SLC71A2: variants seen among roughly 807,000 people sequenced by gnomAD.
The protein encoded by SLC71A2 is solute carrier family 71 member 2.
chr9:94,451,028 T>TTA, the SLC71A2 span, among the ~76,000 whole-genome samples: 1 of 152,212 alleles, frequency 6.6e-6, no homozygotes, highest in Non-Finnish European at 1.5e-5. Flanking sequence ...CTTGCTCTCC[T>TTA]TATCCCTTGT....
the SLC71A2 span, chr9:94,438,476 G>A: frequency 8.1e-6 from 13 of 1,613,600 alleles, no homozygotes; most frequent in Admixed American, 5.0e-5. Context: ...CTTTCTCCTC[G>A]GCACTGTATT....
the SLC71A2 span, among the ~76,000 whole-genome samples, chr9:94,445,971 G>A: frequency 6.6e-6 from 1 of 152,210 alleles, no homozygotes; most frequent in African/African-American, 2.4e-5. Flanking sequence ...AGAGAAGGAA[G>A]CCAGTAGTGG....
At chr9:94,426,889 C>T in the SLC71A2 span, among the ~76,000 whole-genome samples, 10 of 152,260 alleles carry the variant, frequency 6.6e-5, no homozygotes, top group East Asian at 1.5e-3. Context: ...GGCTAGAGTG[C>T]AGTGGTGCAA....
chr9:94,404,828 G>GTATCCTTT, the SLC71A2 span, among the ~76,000 whole-genome samples: 2 of 152,058 alleles, frequency 1.3e-5, no homozygotes, highest in Non-Finnish European at 2.9e-5. Flanking sequence ...GATATATGAA[G>GTATCCTTT]GTTTTTCATT....
At chr9:94,390,764 A>T in the SLC71A2 span, among the ~76,000 whole-genome samples, 1 of 152,136 alleles carries the variant, frequency 6.6e-6, no homozygotes, top group East Asian at 1.9e-4. Flanking sequence ...CCATGAAACA[A>T]CTTTTTTTGA....
the SLC71A2 span, chr9:94,459,335 G>C: frequency 1.2e-6 from 2 of 1,614,148 alleles, no homozygotes; most frequent in Non-Finnish European, 1.7e-6. Context: ...TGAGGACATT[G>C]AGCCACTACT....
chr9:94,452,316 G>T, the SLC71A2 span, among the ~76,000 whole-genome samples: 3 of 152,132 alleles, frequency 2.0e-5, no homozygotes, highest in African/African-American at 7.2e-5. Context: ...TTCAGTGAGG[G>T]CCAGACACGG....
the SLC71A2 span, among the ~76,000 whole-genome samples, chr9:94,392,620 C>T: frequency 6.6e-5 from 10 of 152,156 alleles, no homozygotes; most frequent in Non-Finnish European, 1.0e-4. Flanking sequence ...CCTGCCTCAG[C>T]CTCCCAAGTA....
the SLC71A2 span, among the ~76,000 whole-genome samples, chr9:94,385,956 G>A: frequency 7.2e-5 from 11 of 152,004 alleles, no homozygotes; most frequent in African/African-American, 2.7e-4. Context: ...TGGTGTGGTC[G>A]TGGCTCACTG....
chr9:94,375,557 T>C, the SLC71A2 span, among the ~76,000 whole-genome samples: 1 of 152,156 alleles, frequency 6.6e-6, no homozygotes, highest in African/African-American at 2.4e-5. Context: ...GTGTCAGTGG[T>C]TTCATATGGT....
chr9:94,450,037 TA>T, the SLC71A2 span, among the ~76,000 whole-genome samples: 3 of 152,188 alleles, frequency 2.0e-5, no homozygotes, highest in South Asian at 6.2e-4. Flanking sequence ...GGAAGTAGAC[TA>T]ACGGTTGGGG....
At chr9:94,452,714 CATAT>C in the SLC71A2 span, among the ~76,000 whole-genome samples, 5 of 82,126 alleles carry the variant, frequency 6.1e-5, no homozygotes, top group Admixed American at 3.8e-4. Flanking sequence ...CATATATATT[CATAT>C]ATATATAATA....
At chr9:94,400,865 C>G in the SLC71A2 span, among the ~76,000 whole-genome samples, 1 of 152,194 alleles carries the variant, frequency 6.6e-6, no homozygotes, top group Non-Finnish European at 1.5e-5. Flanking sequence ...TGTGCTTCAT[C>G]CATTTAACCC....
At chr9:94,451,741 T>C in the SLC71A2 span, among the ~76,000 whole-genome samples, 1 of 152,216 alleles carries the variant, frequency 6.6e-6, no homozygotes, top group Non-Finnish European at 1.5e-5. Flanking sequence ...CCTTCTTATA[T>C]AATGTGTAGA....
At chr9:94,455,094 G>T in the SLC71A2 span, among the ~76,000 whole-genome samples, 1 of 150,576 alleles carries the variant, frequency 6.6e-6, no homozygotes, top group African/African-American at 2.5e-5. Flanking sequence ...TGTTTAGTTT[G>T]GGGAGTAAGT....
At chr9:94,414,659 T>A in the SLC71A2 span, among the ~76,000 whole-genome samples, 1 of 152,282 alleles carries the variant, frequency 6.6e-6, no homozygotes, top group African/African-American at 2.4e-5. Flanking sequence ...ATCGAAAGTC[T>A]ATAATCTTTT....
At chr9:94,423,506 T>C in the SLC71A2 span, among the ~76,000 whole-genome samples, 1 of 152,130 alleles carries the variant, frequency 6.6e-6, no homozygotes, top group Non-Finnish European at 1.5e-5. Context: ...CTATGGTTAC[T>C]TGCCAGCAAC....
At chr9:94,389,848 T>C in the SLC71A2 span, among the ~76,000 whole-genome samples, 7 of 151,938 alleles carry the variant, frequency 4.6e-5, no homozygotes, top group Admixed American at 3.9e-4. Flanking sequence ...CCTTAGGCAG[T>C]GCTCCCACCT....
chr9:94,410,698 T>G, the SLC71A2 span, among the ~76,000 whole-genome samples: 5 of 152,082 alleles, frequency 3.3e-5, no homozygotes. Context: ...AAGCTCAGCT[T>G]CATTGGGAGT....
Sources: allele counts gnomAD v4.1 joint callset (sites outside exome capture counted in the v4.1 genomes callset), GRCh38; gene constraint gnomAD v4.1.1; transcripts MANE v1.5; gene names NCBI Gene and HGNC (gene_info 2026-07-23, HGNC 2026-07-21).